NELL1: variants seen among roughly 807,000 people sequenced by gnomAD.
NELL1 encodes the protein protein kinase C-binding protein NELL1.
In NELL1, 76 loss-of-function variants were observed where a neutral mutation model predicts 107.4. The ratio of observed to expected loss-of-function variants is 0.71; its 90% CI spans 0.59 to 0.86. NELL1 has a LOEUF of 0.86. NELL1 is among the 40% of genes least tolerant of loss of function. The pLI is 0.00. For synonymous variants in NELL1, 353 were observed against 341.2 expected (o/e 1.03, Z -0.38); for missense variants, 1,024 against 1,005.5 (o/e 1.02, Z -0.25).
At chr11:21,316,713 T>C (rs1223588910) in intron 14 of NELL1, among the ~76,000 whole-genome samples, 2 of 152,154 alleles carry the variant, frequency 1.3e-5, no homozygotes, top group African/African-American at 2.4e-5. Flanking sequence ...GGGGAAACTT[T>C]TAAGATTCTA....
chr11:21,316,318 T>C (rs1849880443), intron 14 of NELL1, among the ~76,000 whole-genome samples: 1 of 152,152 alleles, frequency 6.6e-6, no homozygotes, highest in South Asian at 2.1e-4. Context: ...ATAGGCTTGG[T>C]TTTTACACAT....
chr11:20,818,606 T>TA (rs1306919179), intron 3 of NELL1, among the ~76,000 whole-genome samples: 1 of 152,170 alleles, frequency 6.6e-6, no homozygotes, highest in African/African-American at 2.4e-5. Flanking sequence ...TCTCATCTCT[T>TA]ACCTTTAGTA....
At position 21,538,563 on chromosome 11, in the gene NELL1, A is replaced by T. The variant is rs537658459; in HGVS notation, c.1786+4049A>T. On this transcript the variant is annotated intron_variant, in intron 16 of 19. Coordinates refer to ENST00000357134, the MANE Select transcript of NELL1 (RefSeq NM_006157.5). ...TATCTTTATAATGCCAGGAGAAAAT[A>T]GTACACAAAAATTTGTAAATTAATA... 2.0e-5 allele frequency among the ~76,000 whole-genome samples: 3 copies of T among 152,254 alleles called. No individual in the cohort carries two copies. The South Asian group carries it at 6.2e-4, about 32-fold the overall frequency.
intron 14 of NELL1, among the ~76,000 whole-genome samples, chr11:21,234,609 C>G (rs771009206): frequency 2.6e-4 from 39 of 152,166 alleles, no homozygotes; most frequent in Admixed American, 9.8e-4. Context: ...TAGGTGAAAT[C>G]TTTATTTTAA....
chr11:20,957,783 G>A (rs1435356795), intron 11 of NELL1, among the ~76,000 whole-genome samples: 1 of 152,062 alleles, frequency 6.6e-6, no homozygotes, highest in Non-Finnish European at 1.5e-5. Flanking sequence ...GTGACTGAAA[G>A]AGAATATAAC....
chr11:20,685,580 T>C (rs563721672), intron 2 of NELL1, among the ~76,000 whole-genome samples: 2 of 152,204 alleles, frequency 1.3e-5, no homozygotes, highest in Non-Finnish European at 1.5e-5. Context: ...TACTCACTGA[T>C]AAGGTGGGGG....
At chr11:20,899,323 A>C (rs1849821162) in intron 5 of NELL1, among the ~76,000 whole-genome samples, 1 of 152,174 alleles carries the variant, frequency 6.6e-6, no homozygotes, top group African/African-American at 2.4e-5. Flanking sequence ...AGAAATAAAT[A>C]GTGAAAAGAT....
At position 21,558,792 on chromosome 11, in the gene NELL1, C is replaced by T. The variant is rs572219676; in HGVS notation, c.1787-1397C>T. 1.2e-3 allele frequency among the ~76,000 whole-genome samples: 187 copies of T among 152,138 alleles called. 1 individual carries two copies. Among genetic ancestry groups the T allele is most frequent in the Non-Finnish European group, 2.0e-3 (139 of 67,968 alleles). On this transcript the variant is annotated intron_variant, in intron 16 of 19. Coordinates refer to ENST00000357134, the MANE Select transcript of NELL1 (RefSeq NM_006157.5). ...TAAAAAGTAAGAGCTTGGTTTCAAACATTGGTCACCAGACTCCCACATTTA... is the reference window on the plus strand; with the variant it reads ...TAAAAAGTAAGAGCTTGGTTTCAAATATTGGTCACCAGACTCCCACATTTA...
intron 16 of NELL1, among the ~76,000 whole-genome samples, chr11:21,536,284 A>T (rs542821742): frequency 9.7e-4 from 147 of 152,102 alleles, no homozygotes; most frequent in Non-Finnish European, 1.6e-4. Context: ...GGCAGTCCTC[A>T]GTATCTTTTG....
rs78326280 is a variant in NELL1 at position 21,494,280 on chromosome 11, T to G, written c.1646-40094T>G. 0.024 allele frequency among the ~76,000 whole-genome samples: 3,594 copies of G among 152,040 alleles called. 210 individuals carry two copies. In the East Asian group the frequency reaches 0.24, roughly 10 times the overall value. ...ATGTATTATTCTTTCAAAAGAGCACTTGTAACGCATAAACACATATTAGGA... is the reference window on the plus strand; with the variant it reads ...ATGTATTATTCTTTCAAAAGAGCACGTGTAACGCATAAACACATATTAGGA... On this transcript the variant is annotated intron_variant, in intron 15 of 19. Coordinates refer to ENST00000357134, the MANE Select transcript of NELL1 (RefSeq NM_006157.5).
chr11:20,971,517 G>T (rs892474035), intron 12 of NELL1, among the ~76,000 whole-genome samples: 1 of 152,120 alleles, frequency 6.6e-6, no homozygotes, highest in Non-Finnish European at 1.5e-5. Flanking sequence ...ACAGAAATGA[G>T]AATTGAACTC....
intron 12 of NELL1, among the ~76,000 whole-genome samples, chr11:21,055,181 T>C (rs1853584099): frequency 6.6e-6 from 1 of 152,126 alleles, no homozygotes; most frequent in Non-Finnish European, 1.5e-5. Flanking sequence ...GAAAAAATTA[T>C]GTATACCTAA....
At chr11:21,183,638 G>C (rs1856873704) in intron 13 of NELL1, among the ~76,000 whole-genome samples, 1 of 151,826 alleles carries the variant, frequency 6.6e-6, no homozygotes, top group Non-Finnish European at 1.5e-5. Flanking sequence ...TAAAACGCAG[G>C]TTGAGATTTT....
chr11:21,280,773 C>T (rs1848973998), intron 14 of NELL1, among the ~76,000 whole-genome samples: 1 of 152,038 alleles, frequency 6.6e-6, no homozygotes, highest in Admixed American at 6.5e-5. Flanking sequence ...ACTTAAATAA[C>T]AATTTAAGTT....
At chr11:21,508,592 TATCTG>T (rs1855356740) in intron 15 of NELL1, among the ~76,000 whole-genome samples, 1 of 152,186 alleles carries the variant, frequency 6.6e-6, no homozygotes, top group Non-Finnish European at 1.5e-5. Flanking sequence ...TTTAAAAACT[TATCTG>T]AACAAATATT....
intron 2 of NELL1, among the ~76,000 whole-genome samples, chr11:20,748,987 G>A (rs1162627613): frequency 6.6e-6 from 1 of 151,718 alleles, no homozygotes; most frequent in Non-Finnish European, 1.5e-5. Context: ...CTGAGGGGCT[G>A]TTATACCCTA....
chr11:21,533,036 A>G (rs1856032926), intron 15 of NELL1, among the ~76,000 whole-genome samples: 1 of 152,162 alleles, frequency 6.6e-6, no homozygotes, highest in South Asian at 2.1e-4. Context: ...TCCTATACAA[A>G]TATTAGGCCC....
intron 18 of NELL1, among the ~76,000 whole-genome samples, chr11:21,572,216 G>T (rs570756437): frequency 1.4e-4 from 21 of 151,902 alleles, no homozygotes; most frequent in African/African-American, 5.1e-4. Flanking sequence ...TTAATTTGAT[G>T]CATGAAATTT....
intron 15 of NELL1, among the ~76,000 whole-genome samples, chr11:21,461,555 G>A (rs995129139): frequency 1.3e-5 from 2 of 152,058 alleles, no homozygotes; most frequent in Admixed American, 6.6e-5. Flanking sequence ...ATTAGCAATA[G>A]CAGCTGATTT....
Sources: gnomAD v4.1 joint callset for allele counts (sites outside exome capture counted in the v4.1 genomes callset) on GRCh38, gnomAD v4.1.1 for gene constraint, MANE v1.5 for transcripts, NCBI Gene and HGNC (gene_info 2026-07-23, HGNC 2026-07-21) for gene names.